THADA: variants seen among roughly 807,000 people sequenced by gnomAD.
THADA encodes THADA armadillo repeat containing, also known as tRNA (32-2'-O)-methyltransferase regulator THADA.
Under a neutral mutation model 219.8 loss-of-function variants are expected in THADA, and 213 were observed. The ratio of observed to expected loss-of-function variants is 0.97; its 90% CI spans 0.87 to 1.09. THADA has a LOEUF of 1.09. Ranked by LOEUF, THADA falls within the 50% of genes least tolerant of loss-of-function variation. The pLI is 0.00. For missense variants in THADA, 2,956 were observed against 2,311.3 expected (o/e 1.28, Z -5.72); for synonymous variants, 1,018 against 828.9 (o/e 1.23, Z -3.92).
intron 36 of THADA, among the ~76,000 whole-genome samples, chr2:43,277,951 CTTTT>C (rs761803232): frequency 1.5e-5 from 2 of 134,446 alleles, no homozygotes; most frequent in Non-Finnish European, 1.6e-5. Context: ...CAATATTGTT[CTTTT>C]TTTTTTTTTT....
chr2:43,453,152 T>A (rs551394551), intron 26 of THADA, among the ~76,000 whole-genome samples: 2 of 152,320 alleles, frequency 1.3e-5, no homozygotes, highest in Admixed American at 6.5e-5. Flanking sequence ...ATGCTGTCTA[T>A]AGGTATGATG....
In THADA at chr2:43,590,929, T is replaced by A; in HGVS notation, c.197A>T (p.Asp66Val). Residue 66 changes from aspartate (D) to valine (V), a missense_variant, in exon 4 of 38, where the codon GAT (aspartate) becomes GTT (valine). Physicochemically the swap from Asp to Val is radical, Grantham distance 152. Coordinates refer to ENST00000405975, the MANE Select transcript of THADA (RefSeq NM_022065.5). ...KQIVPLLEKADKNGMCDPTIQ... is the reference protein window; with the variant it reads ...KQIVPLLEKAVKNGMCDPTIQ... Reference sequence around the variant, plus strand: ...AGTGGGATCACACATGCCATTTTTATCTGCTTTCTCCAGCAGAGGCACAAT... The same window carrying A: ...AGTGGGATCACACATGCCATTTTTAACTGCTTTCTCCAGCAGAGGCACAAT... 6.2e-7 allele frequency: 1 copy of A among 1,613,672 alleles called. No homozygotes were observed. Among genetic ancestry groups the A allele is most frequent in the South Asian group, 1.1e-5 (1 of 91,012 alleles).
intron 36 of THADA, among the ~76,000 whole-genome samples, chr2:43,268,519 G>T (rs1671781787): frequency 6.6e-6 from 1 of 152,214 alleles, no homozygotes; most frequent in Non-Finnish European, 1.5e-5. Context: ...AAATAGAGCA[G>T]CAAAAACAAG....
chr2:43,292,111 T>C lies in THADA; in HGVS notation c.4930A>G (p.Asn1644Asp), dbSNP rs1674801821. 6.2e-7 allele frequency: 1 copy of C among 1,602,352 alleles called. No individual in the cohort carries two copies. The highest frequency in any genetic ancestry group is 8.5e-7 in the Non-Finnish European group (1 of 1,174,862). The stretch of plus-strand genomic sequence containing the variant: ...GAGGTTTTGGGGGCAAACCTTTCAT[T>C]GGAAGCAATATCCATCGTCCAGATC... ...FLIWTMDIASNERSEIQSVAL... is the reference protein window; with the variant it reads ...FLIWTMDIASDERSEIQSVAL... Residue 1644 changes from asparagine (N) to aspartate (D), a missense_variant, in exon 33 of 38, where the codon AAT becomes GAT. Transcript: ENST00000405975.
At chr2:43,361,096 C>T (rs563889709) in intron 29 of THADA, among the ~76,000 whole-genome samples, 2 of 152,224 alleles carry the variant, frequency 1.3e-5, no homozygotes, top group South Asian at 2.1e-4. Context: ...AGGCCAGGGA[C>T]GCTGCTAAAC....
At chr2:43,268,295 G>C (rs1191837582) in intron 36 of THADA, among the ~76,000 whole-genome samples, 1 of 152,176 alleles carries the variant, frequency 6.6e-6, no homozygotes, top group Non-Finnish European at 1.5e-5. Context: ...CGCTCATACA[G>C]ACATTCACAT....
intron 34 of THADA, among the ~76,000 whole-genome samples, chr2:43,291,454 CAAAAAA>C (rs765352765): frequency 0.022 from 177 of 8,074 alleles, 3 homozygotes; most frequent in Middle Eastern, 0.5. Flanking sequence ...AACTCCATCT[CAAAAAA>C]AAAAAAAAAA....
At chr2:43,549,074 A>G in intron 20 of THADA, 136 bp downstream of exon 20, 1 of 877,884 alleles carries the variant, frequency 1.1e-6, no homozygotes, top group East Asian at 3.2e-5. Flanking sequence ...CCCAAAACAA[A>G]ATTTTTAAAA....
chr2:43,426,763 A>G (rs1475172147), intron 28 of THADA, among the ~76,000 whole-genome samples: 1 of 152,228 alleles, frequency 6.6e-6, no homozygotes, highest in African/African-American at 2.4e-5. Context: ...CACTACATAC[A>G]TAAGAAATAC....
chr2:43,402,411 C>T (rs572456357), intron 28 of THADA, among the ~76,000 whole-genome samples: 3 of 152,244 alleles, frequency 2.0e-5, no homozygotes, highest in Admixed American at 1.3e-4. Flanking sequence ...CTTGAGGAAC[C>T]AAGAAGAGTT....
chr2:43,331,199 T>C (rs1558591424), intron 30 of THADA, among the ~76,000 whole-genome samples: 1 of 152,350 alleles, frequency 6.6e-6, no homozygotes, highest in Non-Finnish European at 1.5e-5. Context: ...CTAAATTCCC[T>C]TTACTGTTAT....
intron 36 of THADA, among the ~76,000 whole-genome samples, chr2:43,273,914 T>C (rs1328696009): frequency 1.3e-5 from 2 of 152,068 alleles, no homozygotes; most frequent in African/African-American, 2.4e-5. Flanking sequence ...TGTGCAGATG[T>C]TGTTTTTTTC....
intron 31 of THADA, among the ~76,000 whole-genome samples, chr2:43,311,176 CAAAAAA>C (rs375415765): frequency 4.8e-5 from 6 of 124,070 alleles, no homozygotes; most frequent in Non-Finnish European, 1.7e-5. Context: ...AACTCCGTCT[CAAAAAA>C]AAAAAAGAGA....
chr2:43,499,233 G>A (rs1009170407), intron 24 of THADA, among the ~76,000 whole-genome samples: 3 of 152,022 alleles, frequency 2.0e-5, no homozygotes, highest in Admixed American at 6.5e-5. Context: ...CATTCTTTTC[G>A]AGCACACATG....
intron 34 of THADA, among the ~76,000 whole-genome samples, chr2:43,291,454 C>CAAAAAAAAAAAAAAAAAAAAAAAAAAAA (rs765352765): frequency 1.2e-4 from 1 of 8,092 alleles, no homozygotes; most frequent in African/African-American, 4.5e-4. Flanking sequence ...AACTCCATCT[C>CAAAAAAAAAAAAAAAAAAAAAAAAAAAA]AAAAAAAAAA....
At chr2:43,416,671 T>C (rs968319724) in intron 28 of THADA, among the ~76,000 whole-genome samples, 14 of 152,186 alleles carry the variant, frequency 9.2e-5, no homozygotes, top group African/African-American at 2.7e-4. Context: ...TCATCCTCCG[T>C]GTACCCTCCA....
At chr2:43,593,367 C>G (rs1701784250) in intron 1 of THADA, among the ~76,000 whole-genome samples, 1 of 152,128 alleles carries the variant, frequency 6.6e-6, no homozygotes, top group Admixed American at 6.5e-5. Flanking sequence ...CCACAGAAGT[C>G]AGCCATATCA....
At chr2:43,541,382 G>C (rs1041609929) in intron 20 of THADA, 66 bp from the exon 21 acceptor site, 2 of 1,572,884 alleles carry the variant, frequency 1.3e-6, no homozygotes, top group African/African-American at 2.7e-5. Context: ...CTAAAAACAA[G>C]CTTATTCATA....
intron 29 of THADA, among the ~76,000 whole-genome samples, chr2:43,382,325 G>C (rs1449239037): frequency 6.6e-6 from 1 of 152,186 alleles, no homozygotes; most frequent in African/African-American, 2.4e-5. Flanking sequence ...ACTAGGTGAG[G>C]GGTGTACAGA....
Sources: gnomAD v4.1 joint callset for allele counts (sites outside exome capture counted in the v4.1 genomes callset) on GRCh38, gnomAD v4.1.1 for gene constraint, MANE v1.5 for transcripts, NCBI Gene and HGNC (gene_info 2026-07-23, HGNC 2026-07-21) for gene names.